The following FREM1 variants were observed in gnomAD, a reference collection of about 807,000 sequenced individuals.
FREM1 encodes FRAS1 related extracellular matrix 1.
A neutral mutation model predicts 210.1 loss-of-function variants in FREM1; 220 were observed. The observed-to-expected ratio is 1.05, with a 90% CI of 0.94 to 1.17. The LOEUF (loss-of-function observed/expected upper bound fraction) is 1.17, where lower values mean the gene tolerates loss of function less well. FREM1 is among the 50% of genes most tolerant of loss of function. FREM1 has a pLI of 0.00. For synonymous variants in FREM1, 1,189 were observed against 980.2 expected, an observed-to-expected ratio of 1.21 and a Z score of -3.98; for missense variants, 3,454 against 2,675.5, an observed-to-expected ratio of 1.29 and a Z score of -6.42.
chr9:14,879,986 A>C (rs1834501538), intron 1 of FREM1, among the ~76,000 whole-genome samples: 1 of 152,086 alleles, frequency 6.6e-6, no homozygotes, highest in South Asian at 2.1e-4. Context: ...CTGATTTCCA[A>C]TGTGATGGGA....
intron 10 of FREM1, among the ~76,000 whole-genome samples, chr9:14,825,547 G>GTGTGTGTATATATATATATATATA: frequency 0.011 from 817 of 75,432 alleles, 8 homozygotes; most frequent in Non-Finnish European, 0.013. Context: ...GTGTGTGTGT[G>GTGTGTGTATATATATATATATATA]TATATATATA....
intron 3 of FREM1, among the ~76,000 whole-genome samples, chr9:14,860,732 T>C (rs368589065): frequency 7.8e-5 from 10 of 128,302 alleles, no homozygotes; most frequent in East Asian, 2.5e-4. Flanking sequence ...TATATACACA[T>C]ATATACACAT....
At chr9:14,841,049 C>G (rs1347995564) in intron 10 of FREM1, among the ~76,000 whole-genome samples, 4 of 152,106 alleles carry the variant, frequency 2.6e-5, no homozygotes, top group Non-Finnish European at 5.9e-5. Context: ...GTTTTACAGA[C>G]AAGGAAACTG....
At chr9:14,832,736 G>T (rs1823808136) in intron 10 of FREM1, among the ~76,000 whole-genome samples, 1 of 152,054 alleles carries the variant, frequency 6.6e-6, no homozygotes, top group African/African-American at 2.4e-5. Flanking sequence ...CTCACCAGTT[G>T]GGCTTTTGGC....
Position 14,775,826 on chromosome 9 carries a change from C to T in FREM1, c.4820G>A (p.Gly1607Glu), listed in dbSNP as rs369791896. 25 of 1,613,516 alleles carry T rather than the reference C, an allele frequency of 1.5e-5. No individual in the cohort carries two copies. The highest frequency in any genetic ancestry group is 1.9e-5 in the Non-Finnish European group (22 of 1,179,604). Residue 1607 changes from glycine (G) to glutamate (E), a missense_variant, in exon 25 of 37, where the codon GGG (glycine) becomes GAG (glutamate). Gly to Glu is a moderately conservative substitution (Grantham distance 98). Transcript: ENST00000380880. ...DGTNQGFIVN[G>E]RVWEEPVLFT... ...TAAAACAGGTTCTTCCCACACTCTC[C>T]CATTCACAATAAAGCCTTGGTTTGT...
chr9:14,887,627 C>T (rs1180698195), intron 1 of FREM1, among the ~76,000 whole-genome samples: 2 of 152,064 alleles, frequency 1.3e-5, no homozygotes, highest in Non-Finnish European at 2.9e-5. Flanking sequence ...CCTGTGACTT[C>T]TAAGATTTTT....
intron 18 of FREM1, 100 bp from the exon 19 acceptor site, chr9:14,805,252 C>A: frequency 1.6e-6 from 1 of 623,394 alleles, no homozygotes; most frequent in Non-Finnish European, 2.7e-6. Context: ...CTCAGTAATA[C>A]AAATAAGAGA....
intron 1 of FREM1, among the ~76,000 whole-genome samples, chr9:14,870,335 T>C (rs1832379131): frequency 6.6e-6 from 1 of 152,248 alleles, no homozygotes; most frequent in Non-Finnish European, 1.5e-5. Flanking sequence ...GTGTACACTT[T>C]ACAGAGCAGC....
At chr9:14,893,279 A>G (rs1247706648) in intron 1 of FREM1, among the ~76,000 whole-genome samples, 1 of 152,226 alleles carries the variant, frequency 6.6e-6, no homozygotes, top group Non-Finnish European at 1.5e-5. Context: ...CTTAAACTGT[A>G]GTGAATCTGT....
intron 27 of FREM1, among the ~76,000 whole-genome samples, chr9:14,763,854 C>T (rs1206234991): frequency 6.6e-6 from 1 of 152,128 alleles, no homozygotes; most frequent in Non-Finnish European, 1.5e-5. Flanking sequence ...ATTGTGATAA[C>T]CCAGGTGTCT....
At chr9:14,790,205 C>T (rs1220250304) in intron 22 of FREM1, among the ~76,000 whole-genome samples, 1 of 152,132 alleles carries the variant, frequency 6.6e-6, no homozygotes, top group Non-Finnish European at 1.5e-5. Context: ...AGAATACAGA[C>T]TTCCAGATTC....
In FREM1 at chr9:14,856,684, T is replaced by C. The variant is rs181954297; in HGVS notation, c.828+869A>G. On this transcript the variant is annotated intron_variant, in intron 5 of 36. Coordinates refer to ENST00000380880, the MANE Select transcript of FREM1 (RefSeq NM_001379081.2). ...CCTTCTCTACTAAAAATACAAAAAA[T>C]TGGCCGGGCGTGGTGGCAGGCGCCT... Among the ~76,000 whole-genome samples, 14 of 151,968 alleles carry C rather than the reference T, an allele frequency of 9.2e-5. No homozygotes were observed. In the East Asian group the frequency reaches 1.2e-3, roughly 13 times the overall value.
chr9:14,752,789 T>C (rs558942678), intron 29 of FREM1, among the ~76,000 whole-genome samples: 1 of 152,248 alleles, frequency 6.6e-6, no homozygotes, highest in East Asian at 1.9e-4. Context: ...ACAGAAAATA[T>C]TTCCAACTCC....
intron 1 of FREM1, among the ~76,000 whole-genome samples, chr9:14,903,490 A>G (rs1223172291): frequency 6.6e-6 from 1 of 152,142 alleles, no homozygotes; most frequent in African/African-American, 2.4e-5. Context: ...CTTTGCTTCC[A>G]TCCTTATTGA....
At chr9:14,780,499 C>G (rs544317097) in intron 24 of FREM1, among the ~76,000 whole-genome samples, 1 of 148,120 alleles carries the variant, frequency 6.8e-6, no homozygotes, top group Non-Finnish European at 1.5e-5. Context: ...TCTTTTAGTA[C>G]CCGGCTGCCA....
At chr9:14,740,037 T>C (rs1841242025) in intron 36 of FREM1, 112 bp downstream of exon 36, 1 of 583,628 alleles carries the variant, frequency 1.7e-6, no homozygotes, top group Non-Finnish European at 3.0e-6. Context: ...GGTTGCCTAT[T>C]ATTGTAAACC....
At chr9:14,834,125 C>G (rs1294569766) in intron 10 of FREM1, among the ~76,000 whole-genome samples, 1 of 152,150 alleles carries the variant, frequency 6.6e-6, no homozygotes, top group Non-Finnish European at 1.5e-5. Context: ...GTAGAAAATA[C>G]ACTGTAAGAG....
intron 1 of FREM1, among the ~76,000 whole-genome samples, chr9:14,905,875 A>G (rs950508626): frequency 2.6e-5 from 4 of 151,536 alleles, no homozygotes; most frequent in Non-Finnish European, 4.4e-5. Context: ...TGGGCAATAG[A>G]GCAAGACTCT....
chr9:14,816,984 A>G (rs1478538341), intron 14 of FREM1, 113 bp from the exon 15 acceptor site: 1 of 404,866 alleles, frequency 2.5e-6, no homozygotes, highest in African/African-American at 2.0e-5. Context: ...AAATAAATAA[A>G]TAGCAACAAC....
Sources: allele counts gnomAD v4.1 joint callset (sites outside exome capture counted in the v4.1 genomes callset), GRCh38; gene constraint gnomAD v4.1.1; transcripts MANE v1.5; gene names NCBI Gene and HGNC (gene_info 2026-07-23, HGNC 2026-07-21).